The following TOM1 variants were observed in gnomAD, a reference collection of about 807,000 sequenced individuals.
The protein encoded by TOM1 is target of Myb protein 1.
TOM1 carries 38 observed loss-of-function variants against 61.3 expected under a neutral mutation model. The observed-to-expected ratio is 0.62, with a 90% CI of 0.48 to 0.81. TOM1 has a LOEUF of 0.81. Among genes scored for constraint, TOM1 ranks in the 40% least tolerant of loss-of-function variants. TOM1 has a pLI of 0.00. For missense variants in TOM1, 591 were observed against 659.6 expected, an observed-to-expected ratio of 0.90 and a Z score of 1.14; for synonymous variants, 270 against 268.8, an observed-to-expected ratio of 1.00 and a Z score of -0.04.
chr22:35,319,949 G>A (rs557104432), intron 2 of TOM1, among the ~76,000 whole-genome samples: 95 of 152,366 alleles, frequency 6.2e-4, no homozygotes, highest in African/African-American at 2.2e-3. Flanking sequence ...CTTCACTCCT[G>A]CTGAGAACCA....
chr22:35,330,049 G>A (rs1928683139), intron 7 of TOM1, among the ~76,000 whole-genome samples: 1 of 152,138 alleles, frequency 6.6e-6, no homozygotes, highest in Admixed American at 6.5e-5. Context: ...GGAGGCCGAG[G>A]CAGGCAGATC....
At position 35,323,978 on chromosome 22, in the gene TOM1, C is replaced by T; in HGVS notation, c.648+64C>T. 2 of 1,495,954 alleles carry T rather than the reference C, an allele frequency of 1.3e-6. No individual in the cohort carries two copies. The highest frequency in any genetic ancestry group is 1.4e-5 in the South Asian group (1 of 72,628). 92.7% of individuals were successfully genotyped at this position (1,495,954 alleles called of 1,614,324 possible). A position where few individuals can be genotyped will look rare whatever the true frequency, so the allele number is the denominator to read the frequency against. On this transcript the variant is annotated intron_variant, in intron 6 of 14. Transcript: ENST00000449058. The surrounding 1 kb of genome is among the most constrained non-coding windows in gnomAD (Gnocchi z 4.2). ...GGTGGGCCACACACGTCAGGGAGGGCCCCCTGTCAGAATTTACCATCCACG... is the reference window on the plus strand; with the variant it reads ...GGTGGGCCACACACGTCAGGGAGGGTCCCCTGTCAGAATTTACCATCCACG...
At chr22:35,343,564 C>T (rs1601718486) in intron 12 of TOM1, among the ~76,000 whole-genome samples, 1 of 146,614 alleles carries the variant, frequency 6.8e-6, no homozygotes, top group Admixed American at 6.8e-5. Context: ...CACCTACACA[C>T]ACCACACCTA....
intron 1 of TOM1, among the ~76,000 whole-genome samples, chr22:35,314,956 C>T (rs1927158302): frequency 6.6e-6 from 1 of 152,226 alleles, no homozygotes; most frequent in South Asian, 2.1e-4. Context: ...ACAGCTAATG[C>T]TGCTTGATAT....
At chr22:35,312,913 C>T (rs1039686990) in intron 1 of TOM1, among the ~76,000 whole-genome samples, 33 of 152,142 alleles carry the variant, frequency 2.2e-4, no homozygotes, top group African/African-American at 7.2e-4. Context: ...TTGAGTAGAG[C>T]GTGGAGGTGA....
In TOM1 at chr22:35,317,970, C is replaced by G; in HGVS notation, c.137+9C>G. On this transcript the variant is annotated intron_variant, in intron 2 of 14. Coordinates refer to ENST00000449058, the MANE Select transcript of TOM1 (RefSeq NM_005488.3). ...AACGAGACGGAGGAAGGGTAAGGGC[C>G]CCCCAAGGAGAGGTTGGGGGCAGAG... is the stretch of plus-strand genomic sequence containing the variant. 6.2e-7 allele frequency: 1 copy of G among 1,612,472 alleles called. No individual in the cohort carries two copies. Among genetic ancestry groups the G allele is most frequent in the Admixed American group, 1.7e-5 (1 of 60,010 alleles).
intron 12 of TOM1, chr22:35,345,417 C>T (rs1930422323): frequency 2.1e-6 from 1 of 471,536 alleles, no homozygotes. Flanking sequence ...CAAAGCCCCT[C>T]CTCCAGCCTA....
intron 1 of TOM1, among the ~76,000 whole-genome samples, chr22:35,306,968 T>C (rs1343406387): frequency 1.3e-5 from 2 of 152,204 alleles, no homozygotes; most frequent in Non-Finnish European, 2.9e-5. Flanking sequence ...TGAATAGGTT[T>C]TATTCCCTTA....
intron 2 of TOM1, 89 bp downstream of exon 2, chr22:35,318,050 C>T (rs1927462143): frequency 8.3e-7 from 1 of 1,197,856 alleles, no homozygotes; most frequent in East Asian, 2.3e-5. Flanking sequence ...GCCCCTGCCC[C>T]AGCCCCATTG....
At chr22:35,303,537 A>G (rs551518354) in intron 1 of TOM1, among the ~76,000 whole-genome samples, 2 of 150,302 alleles carry the variant, frequency 1.3e-5, no homozygotes, top group Admixed American at 6.6e-5. Context: ...CAGAGTCTCA[A>G]AAAAGGCTGG....
At chr22:35,305,594 A>G (rs1926255597) in intron 1 of TOM1, among the ~76,000 whole-genome samples, 1 of 151,844 alleles carries the variant, frequency 6.6e-6, no homozygotes, top group African/African-American at 2.4e-5. Context: ...TGGGAGGCGA[A>G]GGTTGCAGTG....
chr22:35,338,082 C>T (rs1929535211), intron 11 of TOM1, among the ~76,000 whole-genome samples: 1 of 152,222 alleles, frequency 6.6e-6, no homozygotes. Flanking sequence ...GGGTCAGCCT[C>T]TGCCGCTCCC....
chr22:35,321,894 A>G, intron 2 of TOM1, 65 bp from the exon 3 acceptor site: 1 of 1,367,976 alleles, frequency 7.3e-7, no homozygotes. Flanking sequence ...CCAACTCTCC[A>G]GGGTCTCTGG....
intron 1 of TOM1, among the ~76,000 whole-genome samples, chr22:35,302,710 A>G (rs1925949947): frequency 6.6e-6 from 1 of 152,136 alleles, no homozygotes; most frequent in African/African-American, 2.4e-5. Flanking sequence ...ACTGGCGGAG[A>G]CTAAGGTCCA....
rs1031406550 is a variant in TOM1 at position 35,341,509 on chromosome 22, G to A, written c.1224+2721G>A. 4.6e-5 allele frequency among the ~76,000 whole-genome samples: 7 copies of A among 152,132 alleles called. No individual in the cohort carries two copies. The South Asian group carries it at 1.4e-3, about 31-fold the overall frequency. On this transcript the variant is annotated intron_variant, in intron 12 of 14. Transcript: ENST00000449058. ...CCCTCCTCAGCCTCAGGCTTCCAGT[G>A]TGTCGGGATTCATCGGAACCAACAC...
At chr22:35,317,808 C>T (rs865781506) in intron 1 of TOM1, 69 bp from the exon 2 acceptor site, 1 of 1,222,556 alleles carries the variant, frequency 8.2e-7, no homozygotes, top group Non-Finnish European at 1.2e-6. Flanking sequence ...CCCCTCCTCT[C>T]CCACCCACGG....
At chr22:35,303,306 T>C (rs1428850500) in intron 1 of TOM1, among the ~76,000 whole-genome samples, 3 of 151,884 alleles carry the variant, frequency 2.0e-5, no homozygotes, top group African/African-American at 7.3e-5. Flanking sequence ...TTATCCTAGA[T>C]CCTCAGGCCC....
In TOM1 at chr22:35,334,207, C is replaced by A. The variant is rs531603336; in HGVS notation, c.1028-121C>A. 3.2e-5 allele frequency: 45 copies of A among 1,387,784 alleles called. No individual in the cohort carries two copies. In the African/African-American group the frequency reaches 5.9e-4, roughly 18 times the overall value. 86.0% of individuals were successfully genotyped at this position (1,387,784 alleles called of 1,614,324 possible). On this transcript the variant is annotated intron_variant, in intron 10 of 14. Coordinates refer to ENST00000449058, the MANE Select transcript of TOM1 (RefSeq NM_005488.3). ...CAGCAGGTGGCCTGCCTCGCGCATT[C>A]CCCCACCCACACGTGCCACTTCCCC...
At chr22:35,330,681 C>T (rs1928766802) in intron 8 of TOM1, among the ~76,000 whole-genome samples, 1 of 152,200 alleles carries the variant, frequency 6.6e-6, no homozygotes, top group Non-Finnish European at 1.5e-5. Flanking sequence ...CGCCCTGTAT[C>T]TCCTTTCCAG....
Sources: allele counts gnomAD v4.1 joint callset (sites outside exome capture counted in the v4.1 genomes callset), GRCh38; gene constraint gnomAD v4.1.1; non-coding constraint Gnocchi (gnomAD v3.1); transcripts MANE v1.5; gene names NCBI Gene and HGNC (gene_info 2026-07-23, HGNC 2026-07-21).